Variants in ELP3 observed in about 807,000 individuals in gnomAD.
ELP3 encodes the protein elongator complex protein 3.
A neutral mutation model predicts 74.9 loss-of-function variants in ELP3; 56 were observed. The ratio of observed to expected loss-of-function variants is 0.75; its 90% CI spans 0.60 to 0.93. The LOEUF is 0.93. Among genes scored for constraint, ELP3 ranks in the 40% least tolerant of loss-of-function variants. ELP3 has a pLI of 0.00. For synonymous variants in ELP3, 222 were observed against 239.8 expected (o/e 0.93, Z 0.68); for missense variants, 573 against 686.5 (o/e 0.83, Z 1.85).
At chr8:28,121,570 T>G (rs1473038962) in intron 7 of ELP3, among the ~76,000 whole-genome samples, 2 of 152,104 alleles carry the variant, frequency 1.3e-5, no homozygotes, top group African/African-American at 4.8e-5. Context: ...TCCGCCCACT[T>G]CGGCCTCCCA....
chr8:28,110,242 A>C, intron 5 of ELP3, 128 bp from the exon 6 acceptor site: 1 of 797,728 alleles, frequency 1.3e-6, no homozygotes, highest in East Asian at 2.7e-5. Flanking sequence ...ACTGAGAAAA[A>C]TTAATGCGGG....
chr8:28,139,280 A>C (rs1489940284), intron 10 of ELP3, among the ~76,000 whole-genome samples: 1 of 145,298 alleles, frequency 6.9e-6, no homozygotes, highest in Non-Finnish European at 1.6e-5. Context: ...CAGATATATT[A>C]AGGATACTGG....
chr8:28,138,655 C>G (rs184884606), intron 10 of ELP3, among the ~76,000 whole-genome samples: 2 of 152,298 alleles, frequency 1.3e-5, no homozygotes, highest in Admixed American at 1.3e-4. Context: ...GAGCAGGACT[C>G]CACTGAGCAC....
Position 28,189,823 on chromosome 8 carries a change from T to C in ELP3, c.*98T>C, listed in dbSNP as rs1815387503. 26 of 1,317,030 alleles carry C rather than the reference T, an allele frequency of 2.0e-5. No individual in the cohort carries two copies. In the Admixed American group the frequency reaches 3.9e-4, roughly 20 times the overall value. 81.6% of individuals were successfully genotyped at this position (1,317,030 alleles called of 1,614,324 possible). On this transcript the variant is annotated 3_prime_UTR_variant, in exon 15 of 15. Coordinates refer to ENST00000256398, the MANE Select transcript of ELP3 (RefSeq NM_018091.6). ...CAACAGAGAGGCTGAGCAGAGCAAA[T>C]GGGGGGCTTCACCCTCATCCCGCAG... is the stretch of plus-strand genomic sequence containing the variant.
intron 14 of ELP3, among the ~76,000 whole-genome samples, chr8:28,184,242 G>A (rs896974495): frequency 1.2e-4 from 18 of 152,192 alleles, no homozygotes; most frequent in African/African-American, 4.3e-4. Flanking sequence ...GACTAGAGGT[G>A]AAGTTCCCTT....
At chr8:28,099,047 T>C (rs556406243) in intron 2 of ELP3, among the ~76,000 whole-genome samples, 1 of 152,350 alleles carries the variant, frequency 6.6e-6, no homozygotes, top group East Asian at 1.9e-4. Context: ...CATTTGAACA[T>C]AGCAGGTATT....
chr8:28,150,103 C>A (rs192834940), intron 10 of ELP3, among the ~76,000 whole-genome samples: 3 of 152,270 alleles, frequency 2.0e-5, no homozygotes, highest in Non-Finnish European at 2.9e-5. Context: ...TCCCTCCTGT[C>A]CTGTGTGTCA....
intron 14 of ELP3, among the ~76,000 whole-genome samples, chr8:28,176,555 A>G (rs1814763554): frequency 6.6e-6 from 1 of 152,170 alleles, no homozygotes; most frequent in African/African-American, 2.4e-5. Context: ...CTCCCTCATC[A>G]GACACTCCCC....
intron 14 of ELP3, among the ~76,000 whole-genome samples, chr8:28,188,143 G>C (rs769954648): frequency 6.6e-6 from 1 of 152,164 alleles, no homozygotes. Flanking sequence ...CGCTCTCCCC[G>C]CCCAGCCTCA....
rs375875054 is a variant in ELP3 at position 28,122,240 on chromosome 8, G to A, written c.618-7262G>A. ...GTGTCTGTGTTCATACAGGGTGGTG[G>A]TCTGTAATTTTCTTTTTTATAATTT... On this transcript the variant is annotated intron_variant, in intron 7 of 14. Coordinates refer to ENST00000256398, the MANE Select transcript of ELP3 (RefSeq NM_018091.6). Among the ~76,000 whole-genome samples the A allele has an allele frequency of 5.9e-5, 9 of 152,220 alleles. No homozygotes were observed. The East Asian group carries it at 1.7e-3, about 29-fold the overall frequency.
upstream of ELP3, chr8:28,090,377 G>T (rs1042977641): frequency 1.0e-5 from 4 of 381,840 alleles, no homozygotes; most frequent in Admixed American, 3.1e-5. Flanking sequence ...TTGCTTCCCG[G>T]TCTGGTGGTG....
chr8:28,093,218 A>C lies in ELP3; in HGVS notation c.4A>C (p.Arg2=). The part of the protein sequence containing the change: M[R]QKRKGDLSPA... ...GCTCTGCTACGGCGGCGCAGAAATGAGGCAGAAGCGGAAAGGTGCGAAAGG... is the reference window on the plus strand; with the variant it reads ...GCTCTGCTACGGCGGCGCAGAAATGCGGCAGAAGCGGAAAGGTGCGAAAGG... The change falls in exon 1 of 15, where the codon AGG becomes CGG. Residue 2 remains arginine, a synonymous_variant. Coordinates refer to ENST00000256398, the MANE Select transcript of ELP3 (RefSeq NM_018091.6). The C allele has an allele frequency of 6.2e-7, 1 of 1,613,260 alleles. No individual in the cohort carries two copies. The highest frequency in any genetic ancestry group is 8.5e-7 in the Non-Finnish European group (1 of 1,179,900).
Position 28,176,350 on chromosome 8 carries a change from C to A in ELP3, c.1568-13299C>A, listed in dbSNP as rs532193229. On this transcript the variant is annotated intron_variant, in intron 14 of 14. Coordinates refer to ENST00000256398, the MANE Select transcript of ELP3 (RefSeq NM_018091.6). ...AACAAAGACAAGTGTCTGCACTGGTCCTTCCAGGAACCTCCAAAGTGAACA... is the reference window on the plus strand; with the variant it reads ...AACAAAGACAAGTGTCTGCACTGGTACTTCCAGGAACCTCCAAAGTGAACA... 2.4e-4 allele frequency among the ~76,000 whole-genome samples: 36 copies of A among 152,328 alleles called. No homozygotes were observed. In the South Asian group the frequency reaches 7.2e-3, roughly 31 times the overall value.
intron 10 of ELP3, among the ~76,000 whole-genome samples, chr8:28,145,913 C>T (rs183899672): frequency 2.6e-5 from 4 of 152,274 alleles, no homozygotes; most frequent in Non-Finnish European, 4.4e-5. Context: ...CGTGAGCCAC[C>T]ATGCCCGGCC....
upstream of ELP3, chr8:28,093,044 A>C: frequency 9.0e-7 from 1 of 1,108,964 alleles, no homozygotes; most frequent in Non-Finnish European, 1.3e-6. Flanking sequence ...TGTTAGTTGC[A>C]ACACGGGGCG....
chr8:28,184,684 C>T (rs1815163506), intron 14 of ELP3, among the ~76,000 whole-genome samples: 1 of 152,160 alleles, frequency 6.6e-6, no homozygotes, highest in Admixed American at 6.5e-5. Flanking sequence ...TAGGTTGATG[C>T]ATATTTTTGG....
intron 3 of ELP3, among the ~76,000 whole-genome samples, chr8:28,102,430 C>A (rs1281705325): frequency 6.6e-6 from 1 of 152,190 alleles, no homozygotes; most frequent in East Asian, 1.9e-4. Context: ...TTATTTCAGT[C>A]ATTTCCTTAC....
chr8:28,094,945 C>T (rs1811196952), intron 1 of ELP3, among the ~76,000 whole-genome samples: 1 of 152,124 alleles, frequency 6.6e-6, no homozygotes, highest in Non-Finnish European at 1.5e-5. Flanking sequence ...TTCTTACCTT[C>T]CTTAAACGTT....
intron 1 of ELP3, among the ~76,000 whole-genome samples, chr8:28,094,492 G>A (rs573537350): frequency 6.6e-6 from 1 of 152,348 alleles, no homozygotes; most frequent in Admixed American, 6.5e-5. Flanking sequence ...GCCAAGGCGG[G>A]TGGATCACTT....
Sources: allele counts gnomAD v4.1 joint callset (sites outside exome capture counted in the v4.1 genomes callset), GRCh38; gene constraint gnomAD v4.1.1; transcripts MANE v1.5; gene names NCBI Gene and HGNC (gene_info 2026-07-23, HGNC 2026-07-21).